Variants in ANO2 observed in about 807,000 individuals in gnomAD.
The protein encoded by ANO2 is anoctamin-2.
A neutral mutation model predicts 124.2 loss-of-function variants in ANO2; 101 were observed. The observed-to-expected ratio is 0.81, with a 90% CI of 0.69 to 0.96. The LOEUF is 0.96. Among genes scored for constraint, ANO2 ranks in the 40% least tolerant of loss-of-function variants. The probability of loss-of-function intolerance (pLI) is 0.00; values close to 1 mark genes in which losing one functional copy is unlikely to be tolerated. For missense variants in ANO2, 1,293 were observed against 1,274.5 expected, an observed-to-expected ratio of 1.01 and a Z score of -0.22; for synonymous variants, 486 against 482.5, an observed-to-expected ratio of 1.01 and a Z score of -0.09.
chr12:5,682,337 T>TTCTC lies in ANO2; in HGVS notation c.1546-34540_1546-34537dup, dbSNP rs3067753. Among the ~76,000 whole-genome samples the TTCTC allele has an allele frequency of 2.2e-3, 330 of 150,070 alleles. 2 individuals are homozygous for TTCTC. Among genetic ancestry groups the TTCTC allele is most frequent in the African/African-American group, 5.8e-3 (238 of 40,820 alleles). Reference sequence around the variant, plus strand: ...GATCTATCTATCTCTCTCTTTCTCTTTCTCTCTCTCTCTCTCTCTCTCTGT... The same window carrying TTCTC: ...GATCTATCTATCTCTCTCTTTCTCTTTCTCTCTCTCTCTCTCTCTCTCTCTCTGT... On this transcript the variant is annotated intron_variant, in intron 14 of 24. Transcript: ENST00000682330.
chr12:5,866,994 G>T (rs1036290132), intron 3 of ANO2, among the ~76,000 whole-genome samples: 4 of 152,184 alleles, frequency 2.6e-5, no homozygotes, highest in Admixed American at 2.6e-4. Context: ...GGTTGGTCTG[G>T]GTTGGTCTAG....
chr12:5,870,612 A>G (rs778080498), intron 3 of ANO2, among the ~76,000 whole-genome samples: 6 of 151,090 alleles, frequency 4.0e-5, no homozygotes, highest in Admixed American at 6.6e-5. Context: ...GAACCCAGAA[A>G]TGAGCTAGAA....
intron 3 of ANO2, among the ~76,000 whole-genome samples, chr12:5,915,927 T>C (rs1253249179): frequency 6.6e-6 from 1 of 152,182 alleles, no homozygotes; most frequent in Non-Finnish European, 1.5e-5. Flanking sequence ...GTGTTCATTA[T>C]TACTAGGGGA....
chr12:5,775,768 CT>C (rs1225545229), intron 10 of ANO2, among the ~76,000 whole-genome samples: 1 of 152,114 alleles, frequency 6.6e-6, no homozygotes, highest in African/African-American at 2.4e-5. Flanking sequence ...CAATTTTCTC[CT>C]TCTAATTTCT....
chr12:5,594,195 CTCAA>C (rs763250985), intron 20 of ANO2, among the ~76,000 whole-genome samples: 1 of 152,172 alleles, frequency 6.6e-6, no homozygotes, highest in East Asian at 1.9e-4. Context: ...GAATTGTTGA[CTCAA>C]TCAATATCAG....
chr12:5,897,801 T>C (rs1165346682), intron 3 of ANO2, among the ~76,000 whole-genome samples: 1 of 151,140 alleles, frequency 6.6e-6, no homozygotes, highest in Non-Finnish European at 1.5e-5. Context: ...AACAAATAAA[T>C]GTTATGGAAG....
At chr12:5,830,567 A>C in intron 5 of ANO2, 78 bp from the exon 6 acceptor site, 1 of 1,342,084 alleles carries the variant, frequency 7.5e-7, no homozygotes, top group Non-Finnish European at 1.0e-6. Context: ...CAGACCCACA[A>C]CAAATCTTTA....
At chr12:5,921,387 G>A in intron 2 of ANO2, 21 bp from the exon 3 acceptor site, 1 of 1,584,702 alleles carries the variant, frequency 6.3e-7, no homozygotes, top group Non-Finnish European at 8.7e-7. Flanking sequence ...AGAGAGGAGA[G>A]GCAGGGCAAG....
chr12:5,920,890 G>T, intron 3 of ANO2, 150 bp downstream of exon 3: 1 of 990,600 alleles, frequency 1.0e-6, no homozygotes, highest in Non-Finnish European at 1.4e-6. Context: ...TTTAAAAAAA[G>T]AAAGAAACAA....
chr12:5,656,152 G>A (rs1455276925), intron 14 of ANO2, among the ~76,000 whole-genome samples: 1 of 152,206 alleles, frequency 6.6e-6, no homozygotes, highest in African/African-American at 2.4e-5. Context: ...ACACAGGGTT[G>A]CAGTGAGTTT....
intron 14 of ANO2, among the ~76,000 whole-genome samples, chr12:5,732,097 G>A (rs890210039): frequency 6.6e-6 from 1 of 152,152 alleles, no homozygotes; most frequent in Non-Finnish European, 1.5e-5. Flanking sequence ...CATAGCAATA[G>A]TACCAGCCTC....
intron 7 of ANO2, among the ~76,000 whole-genome samples, chr12:5,811,600 T>C (rs1953391964): frequency 6.6e-6 from 1 of 152,198 alleles, no homozygotes; most frequent in Non-Finnish European, 1.5e-5. Flanking sequence ...AAAGCAACAA[T>C]AACTTTCATA....
intron 10 of ANO2, among the ~76,000 whole-genome samples, chr12:5,760,142 T>C (rs1348362074): frequency 6.6e-6 from 1 of 152,254 alleles, no homozygotes; most frequent in African/African-American, 2.4e-5. Context: ...TGTTTCTACT[T>C]TGTTAATAAA....
intron 3 of ANO2, among the ~76,000 whole-genome samples, chr12:5,895,958 A>G (rs1019133092): frequency 2.0e-5 from 3 of 152,206 alleles, no homozygotes; most frequent in African/African-American, 4.8e-5. Flanking sequence ...AGCCATAAAA[A>G]GGAATGAAAT....
chr12:5,851,557 C>T (rs976912279), intron 4 of ANO2, among the ~76,000 whole-genome samples: 5 of 152,026 alleles, frequency 3.3e-5, no homozygotes, highest in African/African-American at 1.2e-4. Context: ...TGGTGATGAG[C>T]ACCTGTAATC....
rs139535389 is a variant in ANO2, at chr12:5,708,987, T to C, written c.1545+23533A>G. Among the ~76,000 whole-genome samples, 223 of 152,364 alleles carry C rather than the reference T, an allele frequency of 1.5e-3. 1 individual carries two copies. Among genetic ancestry groups the C allele is most frequent in the Non-Finnish European group, 2.3e-3 (154 of 68,038 alleles). ...TGTAAGCTTCATGACGGTGAAAACA[T>C]ATCTGTCTTATTCACTTTCGCATCC... On this transcript the variant is annotated intron_variant, in intron 14 of 24. Coordinates refer to ENST00000682330, the MANE Select transcript of ANO2 (RefSeq NM_001364791.2).
chr12:5,900,052 G>T lies in ANO2; in HGVS notation c.534+20988C>A, dbSNP rs1314408309. On this transcript the variant is annotated intron_variant, in intron 3 of 24. Coordinates refer to ENST00000682330, the MANE Select transcript of ANO2 (RefSeq NM_001364791.2). This position sits in a 1 kb window ranked among gnomAD's most constrained non-coding sequence, Gnocchi z 4.2. Reference sequence around the variant, plus strand: ...AATACTCCAAAGCTGCAGTGGATAGGAAGCAAGAGAATTGGGAAGGGGGAC... The same window carrying T: ...AATACTCCAAAGCTGCAGTGGATAGTAAGCAAGAGAATTGGGAAGGGGGAC... Among the ~76,000 whole-genome samples the T allele has an allele frequency of 2.0e-5, 3 of 152,214 alleles. No homozygotes were observed. Among genetic ancestry groups the T allele is most frequent in the African/African-American group, 7.2e-5 (3 of 41,442 alleles).
chr12:5,845,424 G>A (rs764450676), intron 4 of ANO2, among the ~76,000 whole-genome samples: 1 of 151,300 alleles, frequency 6.6e-6, no homozygotes, highest in Admixed American at 6.6e-5. Context: ...AAAATTAGCT[G>A]GGCGTGGTGG....
Position 5,635,317 on chromosome 12 carries a change from C to T in ANO2, c.1651G>A (p.Val551Met), listed in dbSNP as rs1945955918. 2 of 1,590,470 alleles carry T rather than the reference C, an allele frequency of 1.3e-6. No homozygotes were observed. Among genetic ancestry groups the T allele is most frequent in the African/African-American group, 2.7e-5 (2 of 73,680 alleles). Residue 551 changes from valine (V) to methionine (M), a missense_variant, in exon 16 of 25, where the codon GTG (valine) becomes ATG (methionine). Transcript: ENST00000682330. The surrounding 1 kb of genome is among the most constrained non-coding windows in gnomAD (Gnocchi z 5.2). ...GCAGTTGTTATTCGATACACTATCA[C>T]CCCAAAGACGATTGAGAATGTCAGG... ...IALTFSIVFG[V>M]IVYRITTAAA...
Sources: gnomAD v4.1 joint callset for allele counts (sites outside exome capture counted in the v4.1 genomes callset) on GRCh38, gnomAD v4.1.1 for gene constraint, Gnocchi (gnomAD v3.1) non-coding constraint, MANE v1.5 for transcripts, NCBI Gene and HGNC (gene_info 2026-07-23, HGNC 2026-07-21) for gene names.